Variants in NDUFAF6 observed in about 807,000 individuals in gnomAD.
NDUFAF6 encodes NADH:ubiquinone oxidoreductase complex assembly factor 6.
In NDUFAF6, 45 loss-of-function variants were observed where a neutral mutation model predicts 40.8. The ratio of observed to expected loss-of-function variants is 1.10; its 90% CI spans 0.87 to 1.42. The LOEUF is 1.42. Ranked by LOEUF, NDUFAF6 falls within the 40% of genes most tolerant of loss-of-function variation. NDUFAF6 has a pLI of 0.00. For synonymous variants in NDUFAF6, 185 were observed against 155.9 expected (o/e 1.19, Z -1.39); for missense variants, 435 against 418.5 (o/e 1.04, Z -0.34).
intron 1 of NDUFAF6, among the ~76,000 whole-genome samples, chr8:94,903,711 T>G (rs1350158365): frequency 6.6e-6 from 1 of 152,356 alleles, no homozygotes; most frequent in Non-Finnish European, 1.5e-5. Context: ...GGTAAAATGT[T>G]AATAGTTAAT....
chr8:94,955,334 C>G (rs1175805130), upstream of NDUFAF6, among the ~76,000 whole-genome samples: 1 of 152,236 alleles, frequency 6.6e-6, no homozygotes, highest in South Asian at 2.1e-4. Flanking sequence ...AAAACGTGCA[C>G]ACACATGAGA....
chr8:94,968,748 A>G (rs2131519305), intron 1 of NDUFAF6, among the ~76,000 whole-genome samples: 1 of 152,316 alleles, frequency 6.6e-6, no homozygotes. Context: ...ACCAAGGGCG[A>G]GAGTAAAAGC....
chr8:95,014,157 G>C (rs1413791248), intron 2 of NDUFAF6, among the ~76,000 whole-genome samples: 1 of 152,180 alleles, frequency 6.6e-6, no homozygotes, highest in African/African-American at 2.4e-5. Context: ...ACAATTTTCT[G>C]GTGTTCAAGA....
At chr8:95,070,950 A>T (rs1199816563) in intron 9 of NDUFAF6, among the ~76,000 whole-genome samples, 1 of 152,180 alleles carries the variant, frequency 6.6e-6, no homozygotes, top group Non-Finnish European at 1.5e-5. Context: ...ATATAATTTT[A>T]GAAAAACACA....
chr8:94,943,961 T>G lies in NDUFAF6; in HGVS notation c.-935-1522T>G, dbSNP rs1007969463. On this transcript the variant is annotated intron_variant, in intron 1 of 14. Transcript: ENST00000396113. ...GAAGAAAAGTGTAGTTTGTTTGACC[T>G]GCTGTGGTGTGATAGTTATATTCCA... Among the ~76,000 whole-genome samples, 3 of 152,224 alleles carry G rather than the reference T, an allele frequency of 2.0e-5. No homozygotes were observed. The South Asian group carries it at 6.2e-4, about 31-fold the overall frequency.
At chr8:94,979,983 G>A (rs910658771) in intron 1 of NDUFAF6, among the ~76,000 whole-genome samples, 8 of 152,026 alleles carry the variant, frequency 5.3e-5, no homozygotes, top group Non-Finnish European at 1.0e-4. Flanking sequence ...TGTAATCCCA[G>A]CTACTCGGGA....
At chr8:95,045,146 A>G (rs1830588109) in intron 4 of NDUFAF6, among the ~76,000 whole-genome samples, 2 of 152,164 alleles carry the variant, frequency 1.3e-5, no homozygotes, top group Non-Finnish European at 2.9e-5. Flanking sequence ...CATTTGTAAA[A>G]TGGGAAAAGT....
downstream of NDUFAF6, among the ~76,000 whole-genome samples, chr8:95,116,982 T>C (rs1810148776): frequency 6.6e-6 from 1 of 152,192 alleles, no homozygotes; most frequent in Admixed American, 6.5e-5. Flanking sequence ...CCAACAGTCC[T>C]GGGATCATAT....
At chr8:94,998,829 G>C (rs1456945617) in intron 2 of NDUFAF6, among the ~76,000 whole-genome samples, 1 of 152,098 alleles carries the variant, frequency 6.6e-6, no homozygotes, top group African/African-American at 2.4e-5. Context: ...GTTTATTCCT[G>C]GTAAAGGAAG....
intron 2 of NDUFAF6, among the ~76,000 whole-genome samples, chr8:95,007,809 C>T (rs1827066094): frequency 6.6e-6 from 1 of 152,022 alleles, no homozygotes; most frequent in Non-Finnish European, 1.5e-5. Flanking sequence ...ACTGCAAACT[C>T]TGCCTCCTAG....
chr8:94,949,634 C>T (rs1161168286), intron 2 of NDUFAF6, among the ~76,000 whole-genome samples: 5 of 151,904 alleles, frequency 3.3e-5, no homozygotes, highest in Non-Finnish European at 7.4e-5. Flanking sequence ...GGGAGGGAAG[C>T]GCTGGGGCCG....
chr8:95,064,575 G>A (rs767005783), intron 9 of NDUFAF6, among the ~76,000 whole-genome samples: 3 of 152,140 alleles, frequency 2.0e-5, no homozygotes, highest in Non-Finnish European at 4.4e-5. Context: ...GCGCGTGCGT[G>A]TGCATGATTT....
intron 3 of NDUFAF6, among the ~76,000 whole-genome samples, chr8:95,035,905 C>G (rs956666267): frequency 1.3e-5 from 2 of 152,026 alleles, no homozygotes; most frequent in African/African-American, 2.4e-5. Context: ...GTTCTGTTCT[C>G]TCTGCCTAGC....
At chr8:94,980,779 A>G (rs566864506) in intron 1 of NDUFAF6, 7 of 346,382 alleles carry the variant, frequency 2.0e-5, no homozygotes, top group South Asian at 1.3e-4. Context: ...AATAAGGCAT[A>G]AAACCTTAGT....
intron 2 of NDUFAF6, chr8:95,033,973 C>T (rs1033455753): frequency 6.6e-6 from 3 of 457,400 alleles, no homozygotes; most frequent in African/African-American, 6.0e-5. Flanking sequence ...GGGTTCTGAG[C>T]AGAGAGACAT....
At position 94,909,813 on chromosome 8, in the gene NDUFAF6, TACACAC is replaced by T. The variant is rs113853762; in HGVS notation, c.-936+13898_-936+13903del. 2.7e-5 allele frequency among the ~76,000 whole-genome samples: 4 copies of T among 146,884 alleles called. No homozygotes were observed. The Admixed American group carries it at 2.7e-4, about 10-fold the overall frequency. ...GTATATATATACACATATATATATA[TACACAC>T]ACACACACACATATATATATATAAA... On this transcript the variant is annotated intron_variant, in intron 1 of 14. Coordinates refer to the NDUFAF6 transcript ENST00000396113.
chr8:95,048,583 TC>T, intron 7 of NDUFAF6, 25 bp downstream of exon 7: 1 of 1,479,696 alleles, frequency 6.8e-7, no homozygotes, highest in East Asian at 2.3e-5. Context: ...TTTTGCCAAA[TC>T]ATTTAGGGAA....
downstream of NDUFAF6, among the ~76,000 whole-genome samples, chr8:95,080,598 G>A (rs534763488): frequency 7.3e-6 from 1 of 137,036 alleles, no homozygotes; most frequent in South Asian, 2.5e-4. Context: ...AGTGATTTTC[G>A]GTAGTGTATT....
intron 1 of NDUFAF6, among the ~76,000 whole-genome samples, chr8:94,919,550 C>T (rs1296819264): frequency 6.6e-6 from 1 of 152,156 alleles, no homozygotes; most frequent in African/African-American, 2.4e-5. Flanking sequence ...CTGTCATTTT[C>T]AGAGCTACCA....
Sources: gnomAD v4.1 joint callset for allele counts (sites outside exome capture counted in the v4.1 genomes callset) on GRCh38, gnomAD v4.1.1 for gene constraint, MANE v1.5 for transcripts, NCBI Gene and HGNC (gene_info 2026-07-23, HGNC 2026-07-21) for gene names.